GNAI1: variants seen among roughly 807,000 people sequenced by gnomAD.
The protein encoded by GNAI1 is G protein subunit alpha i1.
A neutral mutation model predicts 38.9 loss-of-function variants in GNAI1; 11 were observed. That is an observed-to-expected ratio of 0.28 (90% CI 0.18 to 0.47). GNAI1 has a LOEUF of 0.47. Among genes scored for constraint, GNAI1 ranks in the 20% least tolerant of loss-of-function variants. The pLI is 0.99. For missense variants in GNAI1, 317 were observed against 436.9 expected (o/e 0.73, Z 2.45); for synonymous variants, 166 against 145.1 (o/e 1.14, Z -1.04).
intron 1 of GNAI1, among the ~76,000 whole-genome samples, chr7:80,184,001 C>CTTTA (rs1788345949): frequency 1.3e-5 from 2 of 152,088 alleles, no homozygotes; most frequent in African/African-American, 4.8e-5. Flanking sequence ...TCAGCACAGT[C>CTTTA]TTATTTGCTG....
At chr7:80,176,392 T>C (rs1009611252) in intron 1 of GNAI1, among the ~76,000 whole-genome samples, 2 of 152,198 alleles carry the variant, frequency 1.3e-5, no homozygotes, top group African/African-American at 2.4e-5. Flanking sequence ...CAGCAGGTTA[T>C]CCGGAAGATC....
chr7:80,134,895 C>A lies in GNAI1; in HGVS notation c.-266C>A, dbSNP rs1583996266. 1 of 316,342 alleles carries A rather than the reference C, an allele frequency of 3.2e-6. No homozygotes were observed. The highest frequency in any genetic ancestry group is 1.5e-4 in the South Asian group (1 of 6,498). The allele number at this position is 316,342 out of a possible 1,614,324, so 19.6% of individuals were successfully genotyped here. A position where few individuals can be genotyped will look rare whatever the true frequency, so the allele number is the denominator to read the frequency against. On this transcript the variant is annotated 5_prime_UTR_variant, in exon 1 of 8. Transcript: ENST00000649796. ...GGCGGGAGTGCAGCGGCCACTGTAC[C>A]CAGAGATTCAAAACCCCAAACCCGG...
At chr7:80,142,783 A>T (rs1029097489) in intron 1 of GNAI1, among the ~76,000 whole-genome samples, 9 of 152,198 alleles carry the variant, frequency 5.9e-5, no homozygotes, top group Admixed American at 5.2e-4. Context: ...TTCCTAACAC[A>T]TTTCTAAAAA....
intron 4 of GNAI1, among the ~76,000 whole-genome samples, chr7:80,199,785 T>TA (rs1788646794): frequency 2.6e-5 from 4 of 152,154 alleles, no homozygotes; most frequent in Admixed American, 2.6e-4. Flanking sequence ...TGAGAAGAGT[T>TA]ACTTGTCCAA....
At chr7:80,203,886 TA>T in intron 5 of GNAI1, 54 bp downstream of exon 5, 1 of 1,053,818 alleles carries the variant, frequency 9.5e-7, no homozygotes. Flanking sequence ...CACATTGCTT[TA>T]GAAATAAAAA....
intron 1 of GNAI1, among the ~76,000 whole-genome samples, chr7:80,140,643 G>A (rs1787509642): frequency 6.6e-6 from 1 of 152,146 alleles, no homozygotes; most frequent in Admixed American, 6.5e-5. Context: ...ACGAACTAAG[G>A]TCAGCTCTAC....
At chr7:80,145,027 G>A (rs779243996) in intron 1 of GNAI1, among the ~76,000 whole-genome samples, 3 of 152,092 alleles carry the variant, frequency 2.0e-5, no homozygotes, top group South Asian at 4.1e-4. Flanking sequence ...CCATCAATTC[G>A]TCCTCTCTTG....
chr7:80,188,399 G>A (rs1788424421), intron 1 of GNAI1, among the ~76,000 whole-genome samples: 1 of 152,070 alleles, frequency 6.6e-6, no homozygotes, highest in South Asian at 2.1e-4. Context: ...ATGCTTTGGA[G>A]AATACACACA....
At chr7:80,152,863 A>T (rs979448403) in intron 1 of GNAI1, among the ~76,000 whole-genome samples, 1 of 151,726 alleles carries the variant, frequency 6.6e-6, no homozygotes, top group Non-Finnish European at 1.5e-5. Flanking sequence ...GAGCCACTGC[A>T]CCCGGCCAGA....
intron 1 of GNAI1, among the ~76,000 whole-genome samples, chr7:80,154,372 G>C (rs1787781051): frequency 6.6e-6 from 1 of 152,156 alleles, no homozygotes; most frequent in African/African-American, 2.4e-5. Flanking sequence ...GGTGAATTTT[G>C]TACTTGGTGT....
chr7:80,138,160 A>C (rs1490222338), intron 1 of GNAI1, among the ~76,000 whole-genome samples: 1 of 151,456 alleles, frequency 6.6e-6, no homozygotes, highest in Non-Finnish European at 1.5e-5. Flanking sequence ...TTAAGGCATA[A>C]AATCTCTAAA....
intron 7 of GNAI1, among the ~76,000 whole-genome samples, chr7:80,213,338 G>A (rs547298262): frequency 6.6e-6 from 1 of 152,274 alleles, no homozygotes; most frequent in African/African-American, 2.4e-5. Flanking sequence ...AGAAGGGCAG[G>A]GAAGGTTTCA....
intron 1 of GNAI1, among the ~76,000 whole-genome samples, chr7:80,160,439 A>G (rs944726420): frequency 1.3e-4 from 20 of 152,102 alleles, no homozygotes; most frequent in Non-Finnish European, 2.9e-5. Flanking sequence ...TGGCTTCCAT[A>G]TATCTAGGAT....
At chr7:80,196,535 C>T (rs1788577761) in intron 3 of GNAI1, among the ~76,000 whole-genome samples, 1 of 151,936 alleles carries the variant, frequency 6.6e-6, no homozygotes, top group Admixed American at 6.6e-5. Context: ...TGTCATCATT[C>T]TGTGCTTTTA....
intron 1 of GNAI1, among the ~76,000 whole-genome samples, chr7:80,163,338 G>C (rs953331240): frequency 5.9e-5 from 9 of 152,142 alleles, no homozygotes; most frequent in African/African-American, 2.2e-4. Flanking sequence ...TTTACCAAAT[G>C]CAGGTGTCTT....
chr7:80,192,796 G>A (rs1397931327), intron 3 of GNAI1, among the ~76,000 whole-genome samples: 1 of 152,018 alleles, frequency 6.6e-6, no homozygotes, highest in Non-Finnish European at 1.5e-5. Flanking sequence ...TCCTGGTTCA[G>A]CGATTCTCCT....
chr7:80,147,457 C>T (rs1469988652), intron 1 of GNAI1, among the ~76,000 whole-genome samples: 1 of 151,856 alleles, frequency 6.6e-6, no homozygotes, highest in South Asian at 2.1e-4. Flanking sequence ...AGGGCCCTCA[C>T]CAAGAACCAG....
chr7:80,137,317 C>CTTT (rs398005254), intron 1 of GNAI1, among the ~76,000 whole-genome samples: 3,151 of 53,568 alleles, frequency 0.059, 302 homozygotes, highest in Middle Eastern at 0.1. Flanking sequence ...CTTTTCTTTT[C>CTTT]TTTTTTTTTT....
chr7:80,178,882 T>C (rs1419846245), intron 1 of GNAI1, among the ~76,000 whole-genome samples: 1 of 152,210 alleles, frequency 6.6e-6, no homozygotes, highest in Non-Finnish European at 1.5e-5. Flanking sequence ...AGTTACCACT[T>C]CTCAAATTAC....
Sources: allele counts gnomAD v4.1 joint callset (sites outside exome capture counted in the v4.1 genomes callset), GRCh38; gene constraint gnomAD v4.1.1; transcripts MANE v1.5; gene names NCBI Gene and HGNC (gene_info 2026-07-23, HGNC 2026-07-21).